Variants in ZNF638 observed in about 807,000 individuals in gnomAD.
The protein encoded by ZNF638 is zinc finger protein 638.
Under a neutral mutation model 195.6 loss-of-function variants are expected in ZNF638, and 46 were observed. That is an observed-to-expected ratio of 0.24 (90% CI 0.19 to 0.30). The LOEUF is 0.30. ZNF638 is among the 10% of genes least tolerant of loss of function. ZNF638 has a pLI of 1.00. For missense variants in ZNF638, 2,440 were observed against 2,325.3 expected (o/e 1.05, Z -1.01); for synonymous variants, 845 against 772.0 (o/e 1.09, Z -1.57).
At chr2:71,345,569 A>T (rs1335620523) in intron 1 of ZNF638, among the ~76,000 whole-genome samples, 2 of 152,084 alleles carry the variant, frequency 1.3e-5, no homozygotes, top group African/African-American at 4.8e-5. Flanking sequence ...TTTTGTAGAG[A>T]TGAGGTCTCA....
At chr2:71,370,160 T>G (rs1190946264) in intron 8 of ZNF638, among the ~76,000 whole-genome samples, 155 bp downstream of exon 8, 1 of 152,210 alleles carries the variant, frequency 6.6e-6, no homozygotes, top group African/African-American at 2.4e-5. Context: ...AAATTAAAAC[T>G]TCCTCATACA....
intron 1 of ZNF638, among the ~76,000 whole-genome samples, chr2:71,341,554 T>C (rs1007810175): frequency 6.6e-6 from 1 of 152,164 alleles, no homozygotes; most frequent in Non-Finnish European, 1.5e-5. Flanking sequence ...TGGTAAGGAT[T>C]TTGTTTGCAG....
At chr2:71,365,946 T>C (rs575575824) in intron 6 of ZNF638, among the ~76,000 whole-genome samples, 1 of 152,348 alleles carries the variant, frequency 6.6e-6, no homozygotes, top group African/African-American at 2.4e-5. Flanking sequence ...CTCGAACTAC[T>C]AGGTTCAGGC....
chr2:71,403,281 T>C (rs910214152), intron 16 of ZNF638, among the ~76,000 whole-genome samples: 1 of 152,132 alleles, frequency 6.6e-6, no homozygotes, highest in African/African-American at 2.4e-5. Context: ...TCAAATAGGC[T>C]TACAACTGTA....
chr2:71,400,985 CTATTAT>C (rs958491262), intron 15 of ZNF638, among the ~76,000 whole-genome samples: 40 of 151,336 alleles, frequency 2.6e-4, no homozygotes, highest in Non-Finnish European at 4.6e-4. Context: ...ATGTTTATAT[CTATTAT>C]TATTAATACA....
chr2:71,362,011 C>T (rs2079117888), intron 3 of ZNF638, among the ~76,000 whole-genome samples: 1 of 152,132 alleles, frequency 6.6e-6, no homozygotes, highest in Admixed American at 6.5e-5. Flanking sequence ...TGGCTTTCAT[C>T]TTGCTGCTGA....
At chr2:71,388,381 T>TG (rs2079690375) in intron 10 of ZNF638, 1 of 628,966 alleles carries the variant, frequency 1.6e-6, no homozygotes, top group Non-Finnish European at 2.9e-6. Context: ...ATCCGACCTT[T>TG]GATCATCTGA....
At chr2:71,428,089 G>C (rs915189912) in intron 24 of ZNF638, among the ~76,000 whole-genome samples, 2 of 152,098 alleles carry the variant, frequency 1.3e-5, no homozygotes, top group African/African-American at 4.8e-5. Context: ...CTGCTTTGGA[G>C]ACTGAGGCTA....
intron 6 of ZNF638, among the ~76,000 whole-genome samples, chr2:71,367,143 A>C (rs2079214508): frequency 6.6e-6 from 1 of 152,020 alleles, no homozygotes; most frequent in South Asian, 2.1e-4. Flanking sequence ...GAAATTTTTG[A>C]GTATAGGGAA....
chr2:71,389,920 G>A (rs1002591151), intron 10 of ZNF638, among the ~76,000 whole-genome samples: 1 of 152,170 alleles, frequency 6.6e-6, no homozygotes, highest in Non-Finnish European at 1.5e-5. Flanking sequence ...GAACTTACAC[G>A]AGCACGTCAA....
chr2:71,426,972 T>C lies in ZNF638; in HGVS notation c.5103T>C (p.Thr1701=). 6.2e-7 allele frequency: 1 copy of C among 1,612,462 alleles called. No individual in the cohort carries two copies. Among genetic ancestry groups the C allele is most frequent in the Non-Finnish European group, 8.5e-7 (1 of 1,179,406 alleles). The part of the protein sequence containing the change: ...ELPLNESADI[T]FATLNTKGNE... ...CTTTGAATGAGTCAGCAGACATAAC[T>C]TTTGCCACTTTAAATACTAAAGGAA... Residue 1701 remains threonine (T), a synonymous_variant, in exon 24 of 28, where the codon ACT becomes ACC. Coordinates refer to ENST00000264447, the MANE Select transcript of ZNF638 (RefSeq NM_014497.5).
In ZNF638 at chr2:71,427,357, G is replaced by A; in HGVS notation, c.5488G>A (p.Val1830Ile). The change falls in exon 24 of 28, where the codon GTA (valine) becomes ATA (isoleucine). Residue 1830 changes from valine to isoleucine, a missense_variant. Coordinates refer to ENST00000264447, the MANE Select transcript of ZNF638 (RefSeq NM_014497.5). Reference sequence around the variant, plus strand: ...TGAATCCTTGTCCCAAGTGGGTCCAGTAAATGAGAATGTTATGGAAGAAGA... The same window carrying A: ...TGAATCCTTGTCCCAAGTGGGTCCAATAAATGAGAATGTTATGGAAGAAGA... ...KLESLSQVGP[V>I]NENVMEEDLK... 6.3e-7 allele frequency: 1 copy of A among 1,595,032 alleles called. No homozygotes were observed.
intron 17 of ZNF638, among the ~76,000 whole-genome samples, chr2:71,404,593 C>G (rs146319289): frequency 3.3e-5 from 5 of 152,076 alleles, no homozygotes; most frequent in African/African-American, 4.8e-5. Context: ...GGCGCACACC[C>G]GTGGTCCCAG....
chr2:71,343,656 T>A (rs1450970505), intron 1 of ZNF638, among the ~76,000 whole-genome samples: 1 of 152,206 alleles, frequency 6.6e-6, no homozygotes, highest in Non-Finnish European at 1.5e-5. Flanking sequence ...AATTGAGGCC[T>A]TAAAAATGTA....
intron 4 of ZNF638, among the ~76,000 whole-genome samples, 177 bp from the exon 5 acceptor site, chr2:71,363,777 T>C (rs939244780): frequency 3.3e-5 from 5 of 152,222 alleles, no homozygotes; most frequent in African/African-American, 1.2e-4. Context: ...TTGTTTCTTA[T>C]TTACGTATAA....
intron 20 of ZNF638, among the ~76,000 whole-genome samples, chr2:71,410,155 TATTA>T (rs113235687): frequency 4.7e-4 from 72 of 152,272 alleles, no homozygotes; most frequent in African/African-American, 1.7e-3. Flanking sequence ...GGATTTATAT[TATTA>T]ATTCTTTAAA....
intron 1 of ZNF638, among the ~76,000 whole-genome samples, chr2:71,338,103 G>A (rs1341756602): frequency 6.6e-6 from 1 of 152,122 alleles, no homozygotes; most frequent in South Asian, 2.1e-4. Context: ...CTATGTGTGA[G>A]CATATGCTAT....
chr2:71,433,457 A>C, intron 27 of ZNF638, 174 bp downstream of exon 27: 1 of 555,182 alleles, frequency 1.8e-6, no homozygotes, highest in South Asian at 2.3e-5. Context: ...TCTAGTCCTT[A>C]TTCCTTTTCC....
Position 71,401,862 on chromosome 2 carries a change from A to G in ZNF638, c.2698-94A>G, listed in dbSNP as rs142127092. 553 of 1,124,734 alleles carry G rather than the reference A, an allele frequency of 4.9e-4. 1 individual carries two copies. In the African/African-American group the frequency reaches 8.0e-3, roughly 16 times the overall value. The allele number at this position is 1,124,734 out of a possible 1,614,324, so 69.7% of individuals were successfully genotyped here. A position where few individuals can be genotyped will look rare whatever the true frequency, so the allele number is the denominator to read the frequency against. On this transcript the variant is annotated intron_variant, in intron 15 of 27. Coordinates refer to ENST00000264447, the MANE Select transcript of ZNF638 (RefSeq NM_014497.5). ...CAGACTTTCCTCAGTATTAAATGCA[A>G]CAATATACTAATATAACATGATACA...
Sources: gnomAD v4.1 joint callset for allele counts (sites outside exome capture counted in the v4.1 genomes callset) on GRCh38, gnomAD v4.1.1 for gene constraint, MANE v1.5 for transcripts, NCBI Gene and HGNC (gene_info 2026-07-23, HGNC 2026-07-21) for gene names.